Variants in RIGI observed in about 807,000 individuals in gnomAD.
RIGI encodes the protein antiviral innate immune response receptor RIG-I.
At chr9:32,481,827 C>T in the RIGI span, among the ~76,000 whole-genome samples, 2 of 152,302 alleles carry the variant, frequency 1.3e-5, no homozygotes, top group East Asian at 1.9e-4. Flanking sequence ...TCAGGTGATC[C>T]GCCTGCCTCG....
chr9:32,498,860 G>A, the RIGI span, among the ~76,000 whole-genome samples: 10 of 151,928 alleles, frequency 6.6e-5, no homozygotes, highest in Non-Finnish European at 1.3e-4. Context: ...GTGGCCACCT[G>A]TAATCCCAGC....
At chr9:32,496,198 T>C in the RIGI span, among the ~76,000 whole-genome samples, 1 of 152,190 alleles carries the variant, frequency 6.6e-6, no homozygotes, top group African/African-American at 2.4e-5. Flanking sequence ...TATGCTTTCT[T>C]CTAGGAGTTT....
At chr9:32,504,808 T>TATAAAATATATTTAATAC in the RIGI span, among the ~76,000 whole-genome samples, 1 of 135,796 alleles carries the variant, frequency 7.4e-6, no homozygotes, top group Non-Finnish European at 1.5e-5. Flanking sequence ...ACATAAAATA[T>TATAAAATATATTTAATAC]ATAAAATATA....
the RIGI span, among the ~76,000 whole-genome samples, chr9:32,514,472 G>A: frequency 6.6e-6 from 1 of 152,076 alleles, no homozygotes; most frequent in African/African-American, 2.4e-5. Context: ...AACTAACACA[G>A]GAACAGAAAA....
the RIGI span, among the ~76,000 whole-genome samples, chr9:32,522,837 AAC>A: frequency 6.6e-6 from 1 of 152,216 alleles, no homozygotes; most frequent in Non-Finnish European, 1.5e-5. Context: ...GACTGAAACC[AAC>A]ACAATAGTCC....
chr9:32,489,391 G>C, the RIGI span: 1 of 1,613,500 alleles, frequency 6.2e-7, no homozygotes, highest in Non-Finnish European at 8.5e-7. Flanking sequence ...AGCAGGCAAA[G>C]CAAGCTCTAA....
At chr9:32,471,259 A>AAATAT in the RIGI span, among the ~76,000 whole-genome samples, 1 of 152,234 alleles carries the variant, frequency 6.6e-6, no homozygotes, top group African/African-American at 2.4e-5. Flanking sequence ...CTCAAAAATA[A>AAATAT]AATAAAATAA....
At chr9:32,474,412 C>T in the RIGI span, among the ~76,000 whole-genome samples, 3 of 152,066 alleles carry the variant, frequency 2.0e-5, no homozygotes, top group Admixed American at 2.0e-4. Flanking sequence ...TCATGTAATC[C>T]CCTCCCCTGA....
At chr9:32,488,902 G>C in the RIGI span, 50 of 1,578,218 alleles carry the variant, frequency 3.2e-5, no homozygotes, top group Admixed American at 9.5e-4. Flanking sequence ...TAACATGTAA[G>C]GAAAAAAGAA....
the RIGI span, chr9:32,466,587 T>C: frequency 7.1e-6 from 5 of 703,502 alleles, no homozygotes; most frequent in Admixed American, 1.3e-4. Flanking sequence ...TGTTAAAGAG[T>C]GAACTCATGA....
the RIGI span, among the ~76,000 whole-genome samples, chr9:32,458,151 G>T: frequency 5.3e-5 from 8 of 152,116 alleles, no homozygotes; most frequent in African/African-American, 1.9e-4. Flanking sequence ...ATCTGAGCCA[G>T]CCCAGCCCCT....
At chr9:32,476,550 G>A in the RIGI span, among the ~76,000 whole-genome samples, 1 of 151,684 alleles carries the variant, frequency 6.6e-6, no homozygotes, top group African/African-American at 2.4e-5. Context: ...TAGAGTATTA[G>A]TATAAGGATA....
At chr9:32,461,052 AAAAAAAAT>A in the RIGI span, among the ~76,000 whole-genome samples, 1 of 152,056 alleles carries the variant, frequency 6.6e-6, no homozygotes, top group Non-Finnish European at 1.5e-5. Flanking sequence ...CAGAAAAAAA[AAAAAAAAT>A]GACACCTTAC....
the RIGI span, chr9:32,500,947 C>T: frequency 1.1e-5 from 18 of 1,610,736 alleles, no homozygotes; most frequent in Non-Finnish European, 1.4e-5. Flanking sequence ...CTTCTACAAA[C>T]AGAAGCAAAA....
At chr9:32,515,081 G>A in the RIGI span, among the ~76,000 whole-genome samples, 1 of 152,152 alleles carries the variant, frequency 6.6e-6, no homozygotes, top group South Asian at 2.1e-4. Flanking sequence ...CCAACTTGAT[G>A]TTGATTCCGT....
At chr9:32,488,717 G>A in the RIGI span, 3 of 1,534,296 alleles carry the variant, frequency 2.0e-6, no homozygotes, top group Non-Finnish European at 1.8e-6. Flanking sequence ...AGAAGTTGAA[G>A]CAACTATTAT....
the RIGI span, among the ~76,000 whole-genome samples, chr9:32,478,427 C>T: frequency 1.3e-5 from 2 of 152,130 alleles, no homozygotes; most frequent in African/African-American, 4.8e-5. Flanking sequence ...GGTAGAAATA[C>T]TATAGAATGA....
At chr9:32,459,869 G>A in the RIGI span, among the ~76,000 whole-genome samples, 2,521 of 152,252 alleles carry the variant, frequency 0.017, 30 homozygotes, top group Non-Finnish European at 0.024. Context: ...TACAATATGC[G>A]CTGTTTCAGG....
At chr9:32,502,125 C>T in the RIGI span, among the ~76,000 whole-genome samples, 1 of 149,246 alleles carries the variant, frequency 6.7e-6, no homozygotes, top group Non-Finnish European at 1.5e-5. Context: ...AATACATAGT[C>T]TATGTCTGGC....
Sources: allele counts gnomAD v4.1 joint callset (sites outside exome capture counted in the v4.1 genomes callset), GRCh38; gene constraint gnomAD v4.1.1; transcripts MANE v1.5; gene names NCBI Gene and HGNC (gene_info 2026-07-23, HGNC 2026-07-21).